Variants in SMOC1 observed in about 807,000 individuals in gnomAD.
SMOC1 encodes SPARC-related modular calcium-binding protein 1.
In SMOC1, 22 loss-of-function variants were observed where a neutral mutation model predicts 56.3. That is an observed-to-expected ratio of 0.39 (90% CI 0.28 to 0.56). The LOEUF is 0.56. Among genes scored for constraint, SMOC1 ranks in the 20% least tolerant of loss-of-function variants. The pLI is 0.61. For synonymous variants in SMOC1, 193 were observed against 215.0 expected (o/e 0.90, Z 0.89); for missense variants, 509 against 565.4 (o/e 0.90, Z 1.01).
intron 1 of SMOC1, among the ~76,000 whole-genome samples, chr14:69,906,170 C>G (rs1316018873): frequency 6.6e-6 from 1 of 152,242 alleles, no homozygotes; most frequent in African/African-American, 2.4e-5. Context: ...GATTTTGACA[C>G]TCCTCCCAGA....
chr14:69,970,029 A>G (rs1566693077), intron 3 of SMOC1, among the ~76,000 whole-genome samples: 1 of 152,080 alleles, frequency 6.6e-6, no homozygotes, highest in Admixed American at 6.5e-5. Flanking sequence ...AAGAAGCAAC[A>G]AAGAAGCGAG....
rs545670473 is a variant in SMOC1, at chr14:69,963,852, G to A, written c.378+10320G>A. Among the ~76,000 whole-genome samples the A allele has an allele frequency of 1.7e-3, 252 of 152,296 alleles. 1 individual carries two copies. Among genetic ancestry groups the A allele is most frequent in the South Asian group, 2.7e-3 (13 of 4,820 alleles). On this transcript the variant is annotated intron_variant, in intron 3 of 11. Transcript: ENST00000361956. ...GGAAGGACTTGTCTAGGAAGTGACC[G>A]GTCTAATCTCTTGCATGTGTTGGGA...
chr14:69,927,874 C>T (rs1169294986), intron 1 of SMOC1, among the ~76,000 whole-genome samples: 1 of 152,130 alleles, frequency 6.6e-6, no homozygotes, highest in Non-Finnish European at 1.5e-5. Flanking sequence ...CAGGTCACCT[C>T]CTCCAGGGGT....
intron 5 of SMOC1, among the ~76,000 whole-genome samples, chr14:69,979,591 C>CGT (rs138518257): frequency 2.7e-4 from 41 of 151,260 alleles, no homozygotes; most frequent in Non-Finnish European, 4.1e-4. Flanking sequence ...TTTTCTATTG[C>CGT]GTGTGTGTGT....
At chr14:70,014,761 T>A (rs1477432647) in intron 10 of SMOC1, among the ~76,000 whole-genome samples, 1 of 152,152 alleles carries the variant, frequency 6.6e-6, no homozygotes, top group African/African-American at 2.4e-5. Flanking sequence ...TGAACTTATA[T>A]GGCTCACTGA....
chr14:69,995,799 G>A (rs965801205), intron 7 of SMOC1, among the ~76,000 whole-genome samples: 18 of 152,180 alleles, frequency 1.2e-4, no homozygotes, highest in Non-Finnish European at 2.1e-4. Flanking sequence ...AACGGGAATA[G>A]TAATGATGGT....
chr14:69,929,048 G>C (rs1040266484), intron 1 of SMOC1, among the ~76,000 whole-genome samples: 2 of 152,196 alleles, frequency 1.3e-5, no homozygotes, highest in Non-Finnish European at 1.5e-5. Context: ...CAGGAGCTGG[G>C]AGTCTCCCCG....
At chr14:69,949,074 G>C (rs893967556) in intron 1 of SMOC1, among the ~76,000 whole-genome samples, 1 of 152,334 alleles carries the variant, frequency 6.6e-6, no homozygotes, top group South Asian at 2.1e-4. Context: ...GAACATCCAG[G>C]TGAGACAGCC....
intron 3 of SMOC1, among the ~76,000 whole-genome samples, chr14:69,956,964 T>C (rs1015080191): frequency 2.8e-5 from 4 of 143,186 alleles, no homozygotes; most frequent in Non-Finnish European, 6.1e-5. Context: ...TCAAACCACT[T>C]TTGTATGGAC....
intron 1 of SMOC1, among the ~76,000 whole-genome samples, chr14:69,945,722 T>C (rs189955596): frequency 4.1e-4 from 63 of 152,334 alleles, no homozygotes; most frequent in African/African-American, 1.4e-3. Context: ...CATATGAATT[T>C]ATTAAAGAAA....
At chr14:70,019,054 GCTC>G (rs1036702077) in intron 10 of SMOC1, among the ~76,000 whole-genome samples, 3 of 152,236 alleles carry the variant, frequency 2.0e-5, no homozygotes, top group African/African-American at 7.2e-5. Flanking sequence ...AACGGAGCTG[GCTC>G]TCCAGCTGTG....
chr14:69,913,400 A>G (rs1884605129), intron 1 of SMOC1, among the ~76,000 whole-genome samples: 1 of 152,232 alleles, frequency 6.6e-6, no homozygotes, highest in African/African-American at 2.4e-5. Flanking sequence ...TAGGGCTGCC[A>G]GATAAAATAC....
At chr14:69,881,677 AAC>A (rs139639708) in intron 1 of SMOC1, among the ~76,000 whole-genome samples, 1 of 151,798 alleles carries the variant, frequency 6.6e-6, no homozygotes. Flanking sequence ...TACATGCACA[AAC>A]ACACACACAC....
intron 1 of SMOC1, among the ~76,000 whole-genome samples, chr14:69,916,874 T>C (rs1479196020): frequency 6.6e-6 from 1 of 152,182 alleles, no homozygotes; most frequent in Non-Finnish European, 1.5e-5. Flanking sequence ...GGTTCTGTCC[T>C]CCTGCTGGAA....
intron 4 of SMOC1, 61 bp downstream of exon 4, chr14:69,975,875 C>T: frequency 8.2e-7 from 1 of 1,224,952 alleles, no homozygotes. Context: ...TGGTTGGTCT[C>T]CTGCATCTTG....
chr14:69,906,590 A>G (rs1299600), intron 1 of SMOC1, among the ~76,000 whole-genome samples: 85,503 of 152,142 alleles, frequency 0.56, 28,300 homozygotes, highest in East Asian at 0.82. Flanking sequence ...TGTGAGCATT[A>G]TAAAATTGTT....
chr14:69,888,338 T>G (rs139363108), intron 1 of SMOC1, among the ~76,000 whole-genome samples: 3,804 of 152,286 alleles, frequency 0.025, 59 homozygotes, highest in Non-Finnish European at 0.033. Context: ...ATTCAGTTGC[T>G]AGATCACAAA....
intron 3 of SMOC1, 55 bp from the exon 4 acceptor site, chr14:69,975,660 C>A: frequency 7.6e-7 from 1 of 1,312,954 alleles, no homozygotes; most frequent in Non-Finnish European, 1.1e-6. Context: ...GGAGATGAGT[C>A]TTGATATTGT....
chr14:69,969,906 G>A (rs578060870), intron 3 of SMOC1, among the ~76,000 whole-genome samples: 1 of 152,294 alleles, frequency 6.6e-6, no homozygotes, highest in African/African-American at 2.4e-5. Context: ...AAATTGGAGA[G>A]AACAGCAGCC....
Sources: gnomAD v4.1 joint callset for allele counts (sites outside exome capture counted in the v4.1 genomes callset) on GRCh38, gnomAD v4.1.1 for gene constraint, MANE v1.5 for transcripts, NCBI Gene and HGNC (gene_info 2026-07-23, HGNC 2026-07-21) for gene names.